Variants in AGAP1 observed in about 807,000 individuals in gnomAD.
The protein encoded by AGAP1 is ArfGAP with GTPase domain, ankyrin repeat and PH domain 1.
A neutral mutation model predicts 105.3 loss-of-function variants in AGAP1; 29 were observed. That is an observed-to-expected ratio of 0.28 (90% CI 0.21 to 0.38). The LOEUF is 0.38. Ranked by LOEUF, AGAP1 falls within the 10% of genes least tolerant of loss-of-function variation. The pLI is 1.00. For synonymous variants in AGAP1, 509 were observed against 485.9 expected (o/e 1.05, Z -0.63); for missense variants, 998 against 1,165.1 (o/e 0.86, Z 2.09).
rs1574743677 is a variant in AGAP1, at chr2:235,517,911, T to G, written c.163+23062T>G. 1.5e-5 allele frequency among the ~76,000 whole-genome samples: 2 copies of G among 130,262 alleles called. No homozygotes were observed. The allele number at this position is 130,262 out of a possible 152,430, so 85.5% of individuals were successfully genotyped here. A position where few individuals can be genotyped will look rare whatever the true frequency, so the allele number is the denominator to read the frequency against. On this transcript the variant is annotated intron_variant, in intron 1 of 17. Transcript: ENST00000304032. This position sits in a 1 kb window ranked among gnomAD's most constrained non-coding sequence, Gnocchi z 4.1. Reference sequence around the variant, plus strand: ...TTGTGCCTCTGCACTCCAGCCTGGGTGACAGAGTGAGACTCCGTTTCAAAA... The same window carrying G: ...TTGTGCCTCTGCACTCCAGCCTGGGGGACAGAGTGAGACTCCGTTTCAAAA...
At chr2:235,910,474 C>T (rs560034463) in intron 11 of AGAP1, among the ~76,000 whole-genome samples, 2 of 152,208 alleles carry the variant, frequency 1.3e-5, no homozygotes, top group Admixed American at 6.5e-5. Context: ...CCAAGACATC[C>T]GTGAGATTTT....
chr2:235,564,639 TGTGAGCCTGGACCACCACCCAGGGCCAGG>T (rs1944281966), intron 1 of AGAP1, among the ~76,000 whole-genome samples: 2 of 145,438 alleles, frequency 1.4e-5, no homozygotes, highest in African/African-American at 5.3e-5. Context: ...CAGGGCCAGG[TGTGAGCCTGGACCACCACCCAGGGCCAGG>T]TGTGAGCCTG....
chr2:235,604,915 C>T (rs1945875560), intron 1 of AGAP1, among the ~76,000 whole-genome samples: 1 of 151,944 alleles, frequency 6.6e-6, no homozygotes, highest in Middle Eastern at 3.4e-3. Flanking sequence ...GAGTCTCTCT[C>T]TGTCCCCCGG....
In AGAP1 at chr2:236,121,677, C is replaced by T. The variant is rs548957542; in HGVS notation, c.2370+1230C>T. On this transcript the variant is annotated intron_variant, in intron 17 of 17. Transcript: ENST00000304032. This position sits in a 1 kb window ranked among gnomAD's most constrained non-coding sequence, Gnocchi z 4.9. ...TACACCAAAATCACACAGATACTCC[C>T]TTTTGCTCATGAGTCATACATGTGA... Among the ~76,000 whole-genome samples the T allele has an allele frequency of 6.6e-6, 1 of 152,176 alleles. No individual in the cohort carries two copies. The highest frequency in any genetic ancestry group is 1.5e-5 in the Non-Finnish European group (1 of 68,036).
Position 235,728,605 on chromosome 2 carries a change from G to T in AGAP1, c.310+10961G>T, listed in dbSNP as rs553114249. On this transcript the variant is annotated intron_variant, in intron 3 of 17. Transcript: ENST00000304032. The surrounding 1 kb of genome is among the most constrained non-coding windows in gnomAD (Gnocchi z 4.3). ...GTGCCTGCCCTGGGTCCGAAAGCTG[G>T]TGGTGGTCTGTTCTTGTTGTATGAG... Among the ~76,000 whole-genome samples, 1 of 152,064 alleles carries T rather than the reference G, an allele frequency of 6.6e-6. No homozygotes were observed. Among genetic ancestry groups the T allele is most frequent in the Non-Finnish European group, 1.5e-5 (1 of 68,030 alleles).
At position 235,824,443 on chromosome 2, in the gene AGAP1, G is replaced by C. The variant is rs1411713574; in HGVS notation, c.1050+17112G>C. Among the ~76,000 whole-genome samples the C allele has an allele frequency of 1.3e-5, 2 of 152,208 alleles. No homozygotes were observed. Among genetic ancestry groups the C allele is most frequent in the Non-Finnish European group, 2.9e-5 (2 of 68,038 alleles). The stretch of plus-strand genomic sequence containing the variant: ...CACTTGGCTACAGTAGCATTGAACT[G>C]TGAAGAAATAATGTTGTACAGCCAA... On this transcript the variant is annotated intron_variant, in intron 9 of 17. Coordinates refer to ENST00000304032, the MANE Select transcript of AGAP1 (RefSeq NM_001037131.3). The surrounding 1 kb of genome is among the most constrained non-coding windows in gnomAD (Gnocchi z 5.2).
chr2:235,497,894 C>A (rs1468223864), intron 1 of AGAP1, among the ~76,000 whole-genome samples: 1 of 152,112 alleles, frequency 6.6e-6, no homozygotes, highest in African/African-American at 2.4e-5. Flanking sequence ...CCGTGCCCGG[C>A]CGGGCACTTC....
intron 9 of AGAP1, among the ~76,000 whole-genome samples, chr2:235,822,867 G>A (rs1002091467): frequency 2.6e-5 from 4 of 152,152 alleles, no homozygotes; most frequent in Admixed American, 1.3e-4. Flanking sequence ...GTGGGCATGC[G>A]GTAGATACCC....
In AGAP1 at chr2:235,824,728, G is replaced by A. The variant is rs1298337946; in HGVS notation, c.1050+17397G>A. 1.3e-5 allele frequency among the ~76,000 whole-genome samples: 2 copies of A among 152,090 alleles called. No individual in the cohort carries two copies. Among genetic ancestry groups the A allele is most frequent in the Admixed American group, 6.5e-5 (1 of 15,270 alleles). On this transcript the variant is annotated intron_variant, in intron 9 of 17. Coordinates refer to ENST00000304032, the MANE Select transcript of AGAP1 (RefSeq NM_001037131.3). The surrounding 1 kb of genome is among the most constrained non-coding windows in gnomAD (Gnocchi z 5.2). ...TATATTCCACATGTAGATGAGATGT[G>A]CCCTTATATGAGACGGCCTGCATTC...
At chr2:236,088,265 A>G (rs537968911) in intron 16 of AGAP1, among the ~76,000 whole-genome samples, 2 of 152,344 alleles carry the variant, frequency 1.3e-5, no homozygotes, top group South Asian at 4.1e-4. Flanking sequence ...TGGAATTGGC[A>G]AAAGGCAAGT....
At chr2:236,088,794 C>T (rs998333151) in intron 16 of AGAP1, among the ~76,000 whole-genome samples, 3 of 152,238 alleles carry the variant, frequency 2.0e-5, no homozygotes, top group South Asian at 4.1e-4. Flanking sequence ...TGTCACGAAT[C>T]TATGTATCCT....
At chr2:236,118,924 T>C (rs2059837165) in intron 16 of AGAP1, among the ~76,000 whole-genome samples, 2 of 152,264 alleles carry the variant, frequency 1.3e-5, no homozygotes, top group South Asian at 4.1e-4. Context: ...CCATCATCAG[T>C]AGCCACAAAG....
chr2:236,053,666 C>T lies in AGAP1; in HGVS notation c.2114+4385C>T, dbSNP rs1027139987. On this transcript the variant is annotated intron_variant, in intron 16 of 17. Coordinates refer to ENST00000304032, the MANE Select transcript of AGAP1 (RefSeq NM_001037131.3). This position sits in a 1 kb window ranked among gnomAD's most constrained non-coding sequence, Gnocchi z 4.6. ...TCCTGGTGTCAAAGCATTTGGCCCC[C>T]AAGGCCCTGCAGGGACTCGCTGCTA... Among the ~76,000 whole-genome samples the T allele has an allele frequency of 2.0e-5, 3 of 152,250 alleles. No homozygotes were observed. In the East Asian group the frequency reaches 5.8e-4, roughly 29 times the overall value.
chr2:236,091,038 G>A (rs184855130), intron 16 of AGAP1, among the ~76,000 whole-genome samples: 16 of 152,290 alleles, frequency 1.1e-4, no homozygotes, highest in Admixed American at 2.6e-4. Context: ...CGCACCGGCC[G>A]TAATCGTTCC....
intron 1 of AGAP1, among the ~76,000 whole-genome samples, chr2:235,673,917 A>T (rs1010895208): frequency 6.6e-6 from 1 of 152,244 alleles, no homozygotes; most frequent in African/African-American, 2.4e-5. Flanking sequence ...GCATTAGTCT[A>T]TTTGGCTTAG....
At chr2:235,524,653 C>T (rs983754493) in intron 1 of AGAP1, 1 of 171,784 alleles carries the variant, frequency 5.8e-6, no homozygotes, top group South Asian at 1.7e-4. Context: ...GGATGCCTAA[C>T]AACAGCTCCT....
rs577728375 is a variant in AGAP1, at chr2:235,792,618, G to A, written c.674-5141G>A. Among the ~76,000 whole-genome samples the A allele has an allele frequency of 1.3e-5, 2 of 152,316 alleles. No individual in the cohort carries two copies. Among genetic ancestry groups the A allele is most frequent in the African/African-American group, 2.4e-5 (1 of 41,574 alleles). On this transcript the variant is annotated intron_variant, in intron 6 of 17. Transcript: ENST00000304032. This position sits in a 1 kb window ranked among gnomAD's most constrained non-coding sequence, Gnocchi z 5.3. ...AGACCAAGGCAGTGGCAGTGAAGAC[G>A]AATTTCTGAGAAACTCTGGTGGTTG...
rs571020384 is a variant in AGAP1 at position 236,104,478 on chromosome 2, C to A, written c.2115-15714C>A. Among the ~76,000 whole-genome samples, 1 of 152,388 alleles carries A rather than the reference C, an allele frequency of 6.6e-6. No individual in the cohort carries two copies. The highest frequency in any genetic ancestry group is 6.5e-5 in the Admixed American group (1 of 15,312). ...TGTGCTGTCTGCCCCTCACAAAATCCTTGTCCCTTCTCAGATTCCTTGGGG... is the reference window on the plus strand; with the variant it reads ...TGTGCTGTCTGCCCCTCACAAAATCATTGTCCCTTCTCAGATTCCTTGGGG... On this transcript the variant is annotated intron_variant, in intron 16 of 17. Transcript: ENST00000304032. This position sits in a 1 kb window ranked among gnomAD's most constrained non-coding sequence, Gnocchi z 4.7.
intron 1 of AGAP1, among the ~76,000 whole-genome samples, chr2:235,570,012 A>G (rs12151399): frequency 0.37 from 55,849 of 152,072 alleles, 10,700 homozygotes; most frequent in Middle Eastern, 0.5. Context: ...CGTCTTTGTT[A>G]ACTCTTCTCA....
Sources: allele counts gnomAD v4.1 joint callset (sites outside exome capture counted in the v4.1 genomes callset), GRCh38; gene constraint gnomAD v4.1.1; non-coding constraint Gnocchi (gnomAD v3.1); transcripts MANE v1.5; gene names NCBI Gene and HGNC (gene_info 2026-07-23, HGNC 2026-07-21).